Variants in RANBP2 observed in about 807,000 individuals in gnomAD.
RANBP2 encodes the protein RAN binding protein 2.
In RANBP2, 57 loss-of-function variants were observed where a neutral mutation model predicts 303.6. The observed-to-expected ratio is 0.19, with a 90% CI of 0.15 to 0.23. The LOEUF (loss-of-function observed/expected upper bound fraction) is 0.23, where lower values mean the gene tolerates loss of function less well. Among genes scored for constraint, RANBP2 ranks in the 10% least tolerant of loss-of-function variants. The probability of loss-of-function intolerance (pLI) is 1.00; values close to 1 mark genes in which losing one functional copy is unlikely to be tolerated. For synonymous variants in RANBP2, 1,167 were observed against 1,301.5 expected (o/e 0.90, Z 2.23); for missense variants, 3,138 against 3,780.8 (o/e 0.83, Z 4.46).
chr2:109,316,050 T>C, the RANBP2 span, among the ~76,000 whole-genome samples: 1 of 152,182 alleles, frequency 6.6e-6, no homozygotes, highest in African/African-American at 2.4e-5. Flanking sequence ...TCCCAGTATT[T>C]AGAGATTAGA....
At chr2:109,501,896 C>G in the RANBP2 span, 1 of 518,706 alleles carries the variant, frequency 1.9e-6, no homozygotes, top group East Asian at 3.0e-5. Flanking sequence ...AGGAAATGCC[C>G]ACCCCCTCTG....
the RANBP2 span, chr2:109,546,170 C>G: frequency 6.2e-7 from 1 of 1,609,776 alleles, no homozygotes; most frequent in Non-Finnish European, 8.5e-7. Context: ...CAAAAGTCTT[C>G]TCTTTTCTTC....
chr2:109,245,858 G>A, the RANBP2 span, among the ~76,000 whole-genome samples: 1 of 152,182 alleles, frequency 6.6e-6, no homozygotes, highest in Non-Finnish European at 1.5e-5. Flanking sequence ...TGAATCTAGA[G>A]TACTTAACAC....
chr2:109,593,988 T>G, the RANBP2 span, among the ~76,000 whole-genome samples: 1 of 152,194 alleles, frequency 6.6e-6, no homozygotes, highest in Non-Finnish European at 1.5e-5. Flanking sequence ...ACAGCCTAGA[T>G]GAAAAAATTC....
the RANBP2 span, among the ~76,000 whole-genome samples, chr2:109,132,339 T>TA: frequency 6.6e-5 from 10 of 152,088 alleles, no homozygotes; most frequent in Admixed American, 2.0e-4. Flanking sequence ...CAGCTTTATT[T>TA]AAAAAAAAGT....
chr2:109,433,652 G>T, the RANBP2 span, among the ~76,000 whole-genome samples: 1 of 152,210 alleles, frequency 6.6e-6, no homozygotes, highest in Non-Finnish European at 1.5e-5. Flanking sequence ...CTTGCAGAGT[G>T]GTCTCGGGAC....
chr2:109,129,126 C>G, the RANBP2 span: 2 of 349,220 alleles, frequency 5.7e-6, no homozygotes, highest in Non-Finnish European at 1.1e-5. Flanking sequence ...CGCCGCGCCC[C>G]GGCCTCCCCG....
chr2:109,399,395 T>C, the RANBP2 span, among the ~76,000 whole-genome samples: 1 of 152,202 alleles, frequency 6.6e-6, no homozygotes, highest in African/African-American at 2.4e-5. Flanking sequence ...TTGAGTACTT[T>C]CGTTACTGTT....
At chr2:109,631,616 C>T in the RANBP2 span, among the ~76,000 whole-genome samples, 229 of 151,992 alleles carry the variant, frequency 1.5e-3, no homozygotes, top group Admixed American at 3.3e-3. Flanking sequence ...ATTAGTAGGG[C>T]GTGATGGCGG....
At chr2:108,873,911 TA>T in the RANBP2 span, among the ~76,000 whole-genome samples, 2 of 151,712 alleles carry the variant, frequency 1.3e-5, no homozygotes, top group African/African-American at 2.4e-5. Flanking sequence ...CTTTGATTAT[TA>T]AAAAAAAATT....
intron 24 of RANBP2, 119 bp downstream of exon 24, chr2:108,776,055 G>A (rs1677872427): frequency 1.3e-6 from 1 of 797,034 alleles, no homozygotes; most frequent in East Asian, 2.7e-5. Context: ...TATGTATAAA[G>A]GGGCATCTTA....
At chr2:109,310,081 A>G in the RANBP2 span, among the ~76,000 whole-genome samples, 1 of 108,810 alleles carries the variant, frequency 9.2e-6, no homozygotes, top group Non-Finnish European at 1.7e-5. Context: ...AATTGACCAC[A>G]TGGTTGGAAG....
At chr2:109,687,637 A>AC in the RANBP2 span, among the ~76,000 whole-genome samples, 1 of 152,062 alleles carries the variant, frequency 6.6e-6, no homozygotes, top group African/African-American at 2.4e-5. Flanking sequence ...CCCTGTGAGG[A>AC]GAAAATCCAC....
At chr2:108,930,292 T>C in the RANBP2 span, 14 of 1,612,682 alleles carry the variant, frequency 8.7e-6, no homozygotes, top group Admixed American at 1.5e-4. Flanking sequence ...TAGAAACACA[T>C]GTGACTCCTG....
chr2:108,791,589 G>A, the RANBP2 span: 1 of 1,436,390 alleles, frequency 7.0e-7, no homozygotes. Flanking sequence ...TCTCAGTTAT[G>A]CTGTTAATAT....
the RANBP2 span, among the ~76,000 whole-genome samples, chr2:108,875,577 G>T: frequency 6.6e-6 from 1 of 152,140 alleles, no homozygotes; most frequent in Non-Finnish European, 1.5e-5. Context: ...ATGGTTCCAG[G>T]CTGGGCACAG....
the RANBP2 span, among the ~76,000 whole-genome samples, chr2:109,162,040 C>A: frequency 6.6e-6 from 1 of 152,098 alleles, no homozygotes. Flanking sequence ...TGGGATGTGT[C>A]CTCAGGATCT....
chr2:108,834,611 A>C, the RANBP2 span, among the ~76,000 whole-genome samples: 1 of 152,216 alleles, frequency 6.6e-6, no homozygotes, highest in African/African-American at 2.4e-5. Context: ...TGCATAGCTT[A>C]ATATTTATCA....
At chr2:109,041,831 C>A in the RANBP2 span, among the ~76,000 whole-genome samples, 1 of 151,628 alleles carries the variant, frequency 6.6e-6, no homozygotes. Context: ...GTGAGCCAAC[C>A]CGCCCGGCCT....
Sources: allele counts gnomAD v4.1 joint callset (sites outside exome capture counted in the v4.1 genomes callset), GRCh38; gene constraint gnomAD v4.1.1; transcripts MANE v1.5; gene names NCBI Gene and HGNC (gene_info 2026-07-23, HGNC 2026-07-21).